Variants in SPG11 observed in about 807,000 individuals in gnomAD.
SPG11 encodes SPG11 vesicle trafficking associated, spatacsin.
In SPG11, 222 loss-of-function variants were observed where a neutral mutation model predicts 274.0. That is an observed-to-expected ratio of 0.81 (90% CI 0.73 to 0.91). The LOEUF (loss-of-function observed/expected upper bound fraction) is 0.91, where lower values mean the gene tolerates loss of function less well. Ranked by LOEUF, SPG11 falls within the 40% of genes least tolerant of loss-of-function variation. SPG11 has a pLI of 0.00. For missense variants in SPG11, 3,114 were observed against 2,872.7 expected (o/e 1.08, Z -1.92); for synonymous variants, 1,144 against 1,039.7 (o/e 1.10, Z -1.93).
intron 4 of SPG11, among the ~76,000 whole-genome samples, chr15:44,653,589 A>C (rs1435793682): frequency 6.6e-6 from 1 of 151,948 alleles, no homozygotes; most frequent in African/African-American, 2.4e-5. Context: ...GAGACTATTA[A>C]AATAGTTCAG....
intron 27 of SPG11, among the ~76,000 whole-genome samples, chr15:44,591,366 T>A (rs76194678): frequency 6.6e-6 from 1 of 152,228 alleles, no homozygotes; most frequent in Middle Eastern, 3.2e-3. Context: ...ATTTCTCTTC[T>A]TGATTCTTTA....
chr15:44,572,787 C>G lies in SPG11; in HGVS notation c.6239G>C (p.Ser2080Thr). 1 of 1,614,048 alleles carries G rather than the reference C, an allele frequency of 6.2e-7. No homozygotes were observed. The highest frequency in any genetic ancestry group is 8.5e-7 in the Non-Finnish European group (1 of 1,180,000). The stretch of plus-strand genomic sequence containing the variant: ...AGTGGTCAGCTGAAGAAATGTCTGG[C>G]TTTCCTCTGTTGGGTTGAACATCTG... ...HKQMFNPTEE[S>T]QTFLQLTTLC... Residue 2080 changes from serine (S) to threonine (T), a missense_variant, in exon 33 of 40, where the codon AGC becomes ACC. By Grantham distance (58) the Ser-to-Thr change is moderately conservative (BLOSUM62 1). Transcript: ENST00000261866.
Position 44,663,579 on chromosome 15 carries a change from C to T in SPG11, c.69G>A (p.Gly23=), listed in dbSNP as rs771750618. The T allele has an allele frequency of 6.3e-7, 1 of 1,596,772 alleles. No homozygotes were observed. The highest frequency in any genetic ancestry group is 1.1e-5 in the South Asian group (1 of 89,376). ...AGGSWGTAAM[G]RVLPMLLVPV... Reference sequence around the variant, plus strand: ...GCACCAACAGCATCGGTAGAACCCGCCCCATGGCCGCGGTGCCCCAGCTAC... The same window carrying T: ...GCACCAACAGCATCGGTAGAACCCGTCCCATGGCCGCGGTGCCCCAGCTAC... Residue 23 remains glycine (G), a synonymous_variant, in exon 1 of 40, where the codon GGG becomes GGA. Coordinates refer to ENST00000261866, the MANE Select transcript of SPG11 (RefSeq NM_025137.4).
intron 21 of SPG11, among the ~76,000 whole-genome samples, chr15:44,599,931 T>C (rs1027573632): frequency 6.6e-6 from 1 of 152,204 alleles, no homozygotes; most frequent in African/African-American, 2.4e-5. Flanking sequence ...CCATGGCAGT[T>C]TGTGGCACCT....
At chr15:44,651,194 G>A (rs1231049455) in intron 6 of SPG11, among the ~76,000 whole-genome samples, 1 of 152,146 alleles carries the variant, frequency 6.6e-6, no homozygotes, top group Non-Finnish European at 1.5e-5. Context: ...TGAGCACCTT[G>A]CTTACAACCT....
intron 20 of SPG11, among the ~76,000 whole-genome samples, chr15:44,604,658 G>C (rs1388569697): frequency 6.6e-6 from 1 of 152,084 alleles, no homozygotes; most frequent in African/African-American, 2.4e-5. Context: ...GTTGGGTGCG[G>C]TGGCTCACGC....
chr15:44,625,271 G>A (rs1210757894), intron 11 of SPG11, among the ~76,000 whole-genome samples: 1 of 152,046 alleles, frequency 6.6e-6, no homozygotes, highest in Non-Finnish European at 1.5e-5. Flanking sequence ...TAGAACTCCT[G>A]GAGATCCTCC....
At chr15:44,586,122 C>G (rs943385799) in intron 28 of SPG11, among the ~76,000 whole-genome samples, 1 of 151,000 alleles carries the variant, frequency 6.6e-6, no homozygotes, top group African/African-American at 2.4e-5. Context: ...GTAGTGGGGA[C>G]TACAGGTGTA....
intron 28 of SPG11, 131 bp from the exon 29 acceptor site, chr15:44,585,981 C>CGG: frequency 5.7e-6 from 3 of 528,180 alleles, no homozygotes; most frequent in Non-Finnish European, 6.1e-6. Context: ...AAATAAAAAG[C>CGG]TGTTTTTTTT....
At chr15:44,600,389 A>T in intron 21 of SPG11, 78 bp downstream of exon 21, 1 of 1,513,126 alleles carries the variant, frequency 6.6e-7, no homozygotes, top group Non-Finnish European at 9.2e-7. Flanking sequence ...GGCTCAAGTG[A>T]TCCTCCTGCT....
intron 8 of SPG11, among the ~76,000 whole-genome samples, chr15:44,630,350 C>G (rs772642012): frequency 6.6e-6 from 1 of 152,142 alleles, no homozygotes; most frequent in Non-Finnish European, 1.5e-5. Flanking sequence ...CATCTCCACC[C>G]TTTAGAGCTG....
intron 20 of SPG11, among the ~76,000 whole-genome samples, chr15:44,603,127 T>C (rs1362942723): frequency 1.3e-5 from 2 of 149,766 alleles, no homozygotes; most frequent in Non-Finnish European, 3.0e-5. Flanking sequence ...TGACCATAGC[T>C]CACTGCAGCC....
chr15:44,622,234 G>C lies in SPG11; in HGVS notation c.2430C>G (p.Ile810Met), dbSNP rs1159297827. The C allele has an allele frequency of 6.2e-7, 1 of 1,612,386 alleles. No homozygotes were observed. The highest frequency in any genetic ancestry group is 1.7e-5 in the Admixed American group (1 of 60,006). The change falls in exon 13 of 40, where the codon ATC (isoleucine) becomes ATG (methionine). Residue 810 changes from isoleucine (I) to methionine (M), a missense_variant. Physicochemically the swap from Ile to Met is conservative, Grantham distance 10. Transcript: ENST00000261866. Reference protein sequence around the residue: ...YLGHFQENMQIQSFPRYWIKE... With the variant: ...YLGHFQENMQMQSFPRYWIKE... ...AATGAGACTACCTGGGAAATGACTG[G>C]ATTTGCATATTTTCTTGGAAATGTC...
At chr15:44,601,409 T>A (rs952070793) in intron 20 of SPG11, among the ~76,000 whole-genome samples, 1 of 152,010 alleles carries the variant, frequency 6.6e-6, no homozygotes, top group African/African-American at 2.4e-5. Flanking sequence ...CACAGGTGCA[T>A]GCCACCACAC....
chr15:44,597,284 G>C, intron 23 of SPG11: 1 of 272,896 alleles, frequency 3.7e-6, no homozygotes. Flanking sequence ...GGCTAATTTT[G>C]TATTTTTACT....
chr15:44,580,362 G>A (rs2082635393), intron 30 of SPG11, among the ~76,000 whole-genome samples: 1 of 152,136 alleles, frequency 6.6e-6, no homozygotes, highest in South Asian at 2.1e-4. Flanking sequence ...ACCCAACAAT[G>A]CATTTCTCAG....
In SPG11 at chr15:44,595,461, T is replaced by C. The variant is rs1555450825; in HGVS notation, c.4435-2A>G. 2 of 1,614,022 alleles carry C rather than the reference T, an allele frequency of 1.2e-6. No individual in the cohort carries two copies. Among genetic ancestry groups the C allele is most frequent in the Non-Finnish European group, 1.7e-6 (2 of 1,179,924 alleles). On this transcript the variant is annotated splice_acceptor_variant, in intron 25 of 39. Transcript: ENST00000261866. LOFTEE classifies it high-confidence loss of function. Reference sequence around the variant, plus strand: ...GAGACAAGAAATGGCACTGGCACCCTGCCACGGGATAAATAAAATAACAAC... The same window carrying C: ...GAGACAAGAAATGGCACTGGCACCCCGCCACGGGATAAATAAAATAACAAC...
chr15:44,626,923 G>A (rs1400456088), intron 10 of SPG11, among the ~76,000 whole-genome samples: 1 of 152,028 alleles, frequency 6.6e-6, no homozygotes, highest in Non-Finnish European at 1.5e-5. Flanking sequence ...GAGGATAAGT[G>A]TTCCAAAAAG....
chr15:44,608,304 A>T, intron 19 of SPG11, 140 bp downstream of exon 19: 1 of 916,152 alleles, frequency 1.1e-6, no homozygotes, highest in Non-Finnish European at 1.7e-6. Flanking sequence ...TCACTATCAC[A>T]TTTGGTTTCC....
Sources: gnomAD v4.1 joint callset for allele counts (sites outside exome capture counted in the v4.1 genomes callset) on GRCh38, gnomAD v4.1.1 for gene constraint, MANE v1.5 for transcripts, NCBI Gene and HGNC (gene_info 2026-07-23, HGNC 2026-07-21) for gene names.